The following ZNF780A variants were observed in gnomAD, a reference collection of about 807,000 sequenced individuals.
The protein encoded by ZNF780A is zinc finger protein 780A.
Under a neutral mutation model 56.7 loss-of-function variants are expected in ZNF780A, and 40 were observed. That is an observed-to-expected ratio of 0.71 (90% CI 0.55 to 0.92). The LOEUF is 0.92. ZNF780A is among the 40% of genes least tolerant of loss of function. The pLI is 0.00. For synonymous variants in ZNF780A, 231 were observed against 248.3 expected (o/e 0.93, Z 0.66); for missense variants, 672 against 783.3 (o/e 0.86, Z 1.70).
intron 5 of ZNF780A, among the ~76,000 whole-genome samples, chr19:40,081,039 T>G (rs916623372): frequency 6.6e-6 from 1 of 151,820 alleles, no homozygotes; most frequent in Admixed American, 6.6e-5. Context: ...AGGCAAAAAT[T>G]TTCTGGTTAA....
intron 2 of ZNF780A, among the ~76,000 whole-genome samples, chr19:40,088,773 G>C (rs1974960694): frequency 6.6e-6 from 1 of 152,152 alleles, no homozygotes; most frequent in Non-Finnish European, 1.5e-5. Flanking sequence ...TGAATAAATG[G>C]ATAAAGAAAA....
chr19:40,082,639 G>C (rs1032007450), intron 4 of ZNF780A, among the ~76,000 whole-genome samples: 1 of 152,058 alleles, frequency 6.6e-6, no homozygotes, highest in African/African-American at 2.4e-5. Context: ...GCCCAGGCTG[G>C]AGTGCAGTGA....
chr19:40,083,337 T>A, intron 3 of ZNF780A, 100 bp from the exon 4 acceptor site: 1 of 1,537,934 alleles, frequency 6.5e-7, no homozygotes, highest in Non-Finnish European at 8.8e-7. Flanking sequence ...AAAAGCAATA[T>A]GGAAATTCAC....
In ZNF780A at chr19:40,075,510, C is replaced by T; in HGVS notation, c.932G>A (p.Gly311Glu). The stretch of plus-strand genomic sequence containing the variant: ...TTGGTAATGATATCGAAAGGCCATC[C>T]CACATTCCTTACATACAAAGGGTTT... Reference protein sequence around the residue: ...NEKPFVCKECGMAFRYHYQLI... With the variant: ...NEKPFVCKECEMAFRYHYQLI... Residue 311 changes from glycine (G) to glutamate (E), a missense_variant, in exon 6 of 6, where the codon GGG becomes GAG. Transcript: ENST00000683561. 6.2e-7 allele frequency: 1 copy of T among 1,612,524 alleles called. No individual in the cohort carries two copies. Among genetic ancestry groups the T allele is most frequent in the Non-Finnish European group, 8.5e-7 (1 of 1,179,620 alleles).
rs1446734486 is a variant in ZNF780A, at chr19:40,074,950, C to G, written c.1492G>C (p.Glu498Gln). ...CACTCCTTACATTCATAGGGCTTCT[C>G]ACCAGTGTGAATACTCTGATGTTGA... ...LVQHQSIHTG[E>Q]KPYECKECGK... Residue 498 changes from glutamate (E) to glutamine (Q), a missense_variant, in exon 6 of 6, where the codon GAG becomes CAG. Coordinates refer to ENST00000683561, the MANE Select transcript of ZNF780A (RefSeq NM_001142578.2). The G allele has an allele frequency of 6.2e-7, 1 of 1,613,776 alleles. No individual in the cohort carries two copies. Among genetic ancestry groups the G allele is most frequent in the Admixed American group, 1.7e-5 (1 of 60,006 alleles).
chr19:40,072,167 C>A (rs965793121), downstream of ZNF780A: 8 of 241,680 alleles, frequency 3.3e-5, no homozygotes, highest in Non-Finnish European at 8.2e-6. Context: ...CTGGACCGGC[C>A]TGCTAGCCCA....
At chr19:40,086,054 A>G (rs889969639) in intron 2 of ZNF780A, among the ~76,000 whole-genome samples, 1 of 152,004 alleles carries the variant, frequency 6.6e-6, no homozygotes, top group Non-Finnish European at 1.5e-5. Flanking sequence ...ATGTACATAC[A>G]CATTTCTTTC....
At chr19:40,080,417 A>G (rs997926487) in intron 5 of ZNF780A, among the ~76,000 whole-genome samples, 1 of 152,232 alleles carries the variant, frequency 6.6e-6, no homozygotes, top group Non-Finnish European at 1.5e-5. Flanking sequence ...TAGCAAAGAC[A>G]TGGAATCAAC....
In ZNF780A at chr19:40,075,500, A is replaced by C; in HGVS notation, c.942T>G (p.Phe314Leu). The C allele has an allele frequency of 7.4e-6, 12 of 1,613,536 alleles. No individual in the cohort carries two copies. Among genetic ancestry groups the C allele is most frequent in the Non-Finnish European group, 1.0e-5 (12 of 1,179,898 alleles). Residue 314 changes from phenylalanine (F) to leucine (L), a missense_variant, in exon 6 of 6, where the codon TTT (phenylalanine) becomes TTG (leucine). Coordinates refer to ENST00000683561, the MANE Select transcript of ZNF780A (RefSeq NM_001142578.2). ...PFVCKECGMA[F>L]RYHYQLIEHC... ...GTTCAATAAGTTGGTAATGATATCGAAAGGCCATCCCACATTCCTTACATA... is the reference window on the plus strand; with the variant it reads ...GTTCAATAAGTTGGTAATGATATCGCAAGGCCATCCCACATTCCTTACATA...
At chr19:40,079,271 T>C (rs769656449) in intron 5 of ZNF780A, among the ~76,000 whole-genome samples, 2 of 152,072 alleles carry the variant, frequency 1.3e-5, no homozygotes, top group Non-Finnish European at 2.9e-5. Context: ...GATAAAGGGA[T>C]CAATTCAGCA....
downstream of ZNF780A, chr19:40,073,035 G>T: frequency 6.7e-7 from 1 of 1,490,510 alleles, no homozygotes; most frequent in Non-Finnish European, 8.9e-7. Context: ...GGTAATTATG[G>T]TACAATGGCT....
chr19:40,073,847 C>T lies in ZNF780A; in HGVS notation c.*669G>A. ...AAGGCTTGTCCACACTCCTTATTGT[C>T]ACAAAATTTCTAACTATTCTGAATT... On this transcript the variant is annotated 3_prime_UTR_variant, in exon 6 of 6. Coordinates refer to ENST00000683561, the MANE Select transcript of ZNF780A (RefSeq NM_001142578.2). 4 of 995,782 alleles carry T rather than the reference C, an allele frequency of 4.0e-6. No homozygotes were observed. The highest frequency in any genetic ancestry group is 4.8e-6 in the Non-Finnish European group (4 of 836,060). The allele number at this position is 995,782 out of a possible 1,614,324, so 61.7% of individuals were successfully genotyped here.
rs1568445238 is a variant in ZNF780A at position 40,075,178 on chromosome 19, A to C, written c.1264T>G (p.Cys422Gly). The change falls in exon 6 of 6, where the codon TGT becomes GGT. Residue 422 changes from cysteine (C) to glycine (G), a missense_variant. Physicochemically the swap from Cys to Gly is radical, Grantham distance 159 (BLOSUM62 -3). Coordinates refer to ENST00000683561, the MANE Select transcript of ZNF780A (RefSeq NM_001142578.2). Reference protein sequence around the residue: ...AGIKPYECKECGKGFNRGAHL... With the variant: ...AGIKPYECKEGGKGFNRGAHL... Reference sequence around the variant, plus strand: ...GCACCACGATTAAAGCCTTTCCCACACTCCTTACATTCATATGGTTTTATA... The same window carrying C: ...GCACCACGATTAAAGCCTTTCCCACCCTCCTTACATTCATATGGTTTTATA... The C allele has an allele frequency of 3.1e-6, 5 of 1,613,416 alleles. No homozygotes were observed. Among genetic ancestry groups the C allele is most frequent in the Middle Eastern group, 1.7e-4 (1 of 6,056 alleles).
At chr19:40,088,619 C>G (rs1377899491) in intron 2 of ZNF780A, among the ~76,000 whole-genome samples, 1 of 152,124 alleles carries the variant, frequency 6.6e-6, no homozygotes, top group African/African-American at 2.4e-5. Flanking sequence ...AATAGAACTA[C>G]CATATGATCC....
Position 40,075,257 on chromosome 19 carries a change from C to A in ZNF780A, c.1185G>T (p.Gly395=). Residue 395 remains glycine, a synonymous_variant, in exon 6 of 6, where the codon GGG becomes GGT. Coordinates refer to ENST00000683561, the MANE Select transcript of ZNF780A (RefSeq NM_001142578.2). ...GGTTTGAGCTACGATTAAAGGACTT[C>A]CCACATTCCTTACATTCAAACGGTT... ...GEKPFECKEC[G]KSFNRSSNLV... The A allele has an allele frequency of 6.2e-7, 1 of 1,613,526 alleles. No homozygotes were observed. The highest frequency in any genetic ancestry group is 8.5e-7 in the Non-Finnish European group (1 of 1,179,922).
chr19:40,074,141 G>C lies in ZNF780A; in HGVS notation c.*375C>G. 1.5e-6 allele frequency: 2 copies of C among 1,360,296 alleles called. No individual in the cohort carries two copies. Among genetic ancestry groups the C allele is most frequent in the Non-Finnish European group, 1.9e-6 (2 of 1,037,780 alleles). 84.3% of individuals were successfully genotyped at this position (1,360,296 alleles called of 1,614,324 possible). A position where few individuals can be genotyped will look rare whatever the true frequency, so the allele number is the denominator to read the frequency against. ...TATGAATACTCTGATGTTGAACAAGGTTTGAGCCACTATTGAAGGCCTTCC... is the reference window on the plus strand; with the variant it reads ...TATGAATACTCTGATGTTGAACAAGCTTTGAGCCACTATTGAAGGCCTTCC... On this transcript the variant is annotated 3_prime_UTR_variant, in exon 6 of 6. Transcript: ENST00000683561.
At chr19:40,083,021 C>G in intron 4 of ZNF780A, 90 bp downstream of exon 4, 1 of 1,601,988 alleles carries the variant, frequency 6.2e-7, no homozygotes, top group Non-Finnish European at 8.5e-7. Flanking sequence ...AATTCAGCCA[C>G]CTCTTAAAAG....
chr19:40,089,617 TACACACACACAC>T (rs5828058), intron 2 of ZNF780A, among the ~76,000 whole-genome samples: 1 of 147,914 alleles, frequency 6.8e-6, no homozygotes, highest in Non-Finnish European at 1.5e-5. Context: ...CCTCTCACAG[TACACACACACAC>T]ACACACACAC....
At chr19:40,085,380 T>C (rs1434892536) in intron 2 of ZNF780A, 1 of 977,114 alleles carries the variant, frequency 1.0e-6, no homozygotes, top group Non-Finnish European at 1.2e-6. Flanking sequence ...GAATACAAAG[T>C]AAATATTAAA....
Sources: allele counts gnomAD v4.1 joint callset (sites outside exome capture counted in the v4.1 genomes callset), GRCh38; gene constraint gnomAD v4.1.1; transcripts MANE v1.5; gene names NCBI Gene and HGNC (gene_info 2026-07-23, HGNC 2026-07-21).